The following ZC3H12C variants were observed in gnomAD, a reference collection of about 807,000 sequenced individuals.
ZC3H12C encodes the protein probable ribonuclease ZC3H12C.
In ZC3H12C, 20 loss-of-function variants were observed where a neutral mutation model predicts 76.3. The observed-to-expected ratio is 0.26, with a 90% confidence interval of 0.18 to 0.38. The LOEUF (loss-of-function observed/expected upper bound fraction) is 0.38, where lower values mean the gene tolerates loss of function less well. ZC3H12C is among the 10% of genes least tolerant of loss of function. The pLI, the probability that ZC3H12C is intolerant of heterozygous loss-of-function variation, is 1.00. For synonymous variants in ZC3H12C, 352 were observed against 399.6 expected (o/e 0.88, Z 1.42); for missense variants, 874 against 1,086.5 (o/e 0.80, Z 2.75).
intron 1 of ZC3H12C, among the ~76,000 whole-genome samples, chr11:110,110,935 GA>G (rs1460989795): frequency 6.6e-6 from 1 of 152,276 alleles, no homozygotes; most frequent in East Asian, 1.9e-4. Flanking sequence ...CAGCTTATAA[GA>G]AAAAACTTCA....
intron 1 of ZC3H12C, among the ~76,000 whole-genome samples, chr11:110,094,340 T>C (rs890432374): frequency 1.3e-5 from 2 of 152,236 alleles, no homozygotes; most frequent in Non-Finnish European, 2.9e-5. Context: ...ATTCAGACTT[T>C]TTTTAAACCA....
Position 110,167,323 on chromosome 11 carries a change from A to G in ZC3H12C, c.*1586A>G, listed in dbSNP as rs1485290499. ...TATTTTGATTTGTAGATCTAGTTAAAACACAAGTATGTAACTATGATTAGA... is the reference window on the plus strand; with the variant it reads ...TATTTTGATTTGTAGATCTAGTTAAGACACAAGTATGTAACTATGATTAGA... On this transcript the variant is annotated 3_prime_UTR_variant, in exon 6 of 6. Transcript: ENST00000278590. The G allele has an allele frequency of 6.6e-6, 1 of 152,172 alleles. No individual in the cohort carries two copies. Among genetic ancestry groups the G allele is most frequent in the African/African-American group, 2.4e-5 (1 of 41,426 alleles). The allele number at this position is 152,172 out of a possible 1,614,324, so 9.4% of individuals were successfully genotyped here.
intron 4 of ZC3H12C, among the ~76,000 whole-genome samples, chr11:110,162,322 AG>A (rs1369099309): frequency 6.6e-6 from 1 of 152,208 alleles, no homozygotes; most frequent in African/African-American, 2.4e-5. Flanking sequence ...TGTGGGATTG[AG>A]TGACTTTATC....
intron 4 of ZC3H12C, among the ~76,000 whole-genome samples, chr11:110,160,139 T>C (rs886925179): frequency 6.6e-6 from 1 of 152,236 alleles, no homozygotes. Context: ...AAATATGGTA[T>C]AAAAGATTTC....
chr11:110,160,605 C>T (rs991155796), intron 4 of ZC3H12C, among the ~76,000 whole-genome samples: 3 of 152,014 alleles, frequency 2.0e-5, no homozygotes, highest in African/African-American at 7.2e-5. Flanking sequence ...TCACTGTCCT[C>T]CACCCCCACA....
intron 1 of ZC3H12C, 159 bp from the exon 2 acceptor site, chr11:110,136,504 C>T: frequency 2.8e-6 from 2 of 716,282 alleles, no homozygotes; most frequent in Non-Finnish European, 4.4e-6. Context: ...TGAAAAATGG[C>T]AGATGATACT....
chr11:110,152,814 C>T, intron 2 of ZC3H12C, 105 bp from the exon 3 acceptor site: 1 of 1,292,624 alleles, frequency 7.7e-7, no homozygotes, highest in Non-Finnish European at 1.1e-6. Flanking sequence ...TCTGACGTCT[C>T]TTATTACTGT....
intron 1 of ZC3H12C, among the ~76,000 whole-genome samples, chr11:110,129,421 T>C (rs528331269): frequency 6.6e-6 from 1 of 152,324 alleles, no homozygotes; most frequent in South Asian, 2.1e-4. Flanking sequence ...AGAGACGATC[T>C]CATTTGCATT....
Position 110,165,992 on chromosome 11 carries a change from G to A in ZC3H12C, c.*255G>A. The A allele has an allele frequency of 2.4e-6, 1 of 418,576 alleles. No individual in the cohort carries two copies. The highest frequency in any genetic ancestry group is 4.2e-6 in the Non-Finnish European group (1 of 235,812). 25.9% of individuals were successfully genotyped at this position (418,576 alleles called of 1,614,324 possible). ...ATATCCTTGGCTGGAAATTTTTCCA[G>A]TTTGATTTAATAGATGTATCTGTGA... On this transcript the variant is annotated 3_prime_UTR_variant, in exon 6 of 6. Transcript: ENST00000278590.
rs1862673558 is a variant in ZC3H12C at position 110,171,236 on chromosome 11, T to C, written c.*5499T>C. On this transcript the variant is annotated 3_prime_UTR_variant, in exon 6 of 6. Transcript: ENST00000278590. ...AGGTGTTCAGATTCCTTCAGTTTTT[T>C]TGAAATTAGAAATTTCTTACCTTAT... The C allele has an allele frequency of 6.6e-6, 1 of 152,258 alleles. No homozygotes were observed. Among genetic ancestry groups the C allele is most frequent in the African/African-American group, 2.4e-5 (1 of 41,470 alleles). The allele number at this position is 152,258 out of a possible 1,614,324, so 9.4% of individuals were successfully genotyped here. A position where few individuals can be genotyped will look rare whatever the true frequency, so the allele number is the denominator to read the frequency against.
chr11:110,135,973 C>A (rs1050195082), intron 1 of ZC3H12C: 8 of 152,042 alleles, frequency 5.3e-5, no homozygotes, highest in Non-Finnish European at 1.0e-4. Context: ...GTTCCATAGT[C>A]AAAAAATCAT....
intron 2 of ZC3H12C, among the ~76,000 whole-genome samples, chr11:110,143,790 C>A (rs1288750361): frequency 6.6e-6 from 1 of 152,110 alleles, no homozygotes; most frequent in East Asian, 1.9e-4. Flanking sequence ...CCACAAGTGC[C>A]AGGATTACAG....
chr11:110,136,151 AT>A (rs765015250), intron 1 of ZC3H12C: 2 of 152,434 alleles, frequency 1.3e-5, no homozygotes, highest in Non-Finnish European at 2.9e-5. Context: ...ATTAATAATG[AT>A]TTTTCAAGTA....
chr11:110,159,558 T>G, intron 4 of ZC3H12C, 68 bp downstream of exon 4: 39 of 1,277,680 alleles, frequency 3.1e-5, no homozygotes, highest in Non-Finnish European at 4.0e-5. Context: ...TGGCAGCTGC[T>G]ACAGAATTCT....
intron 4 of ZC3H12C, among the ~76,000 whole-genome samples, chr11:110,161,302 A>G (rs1299142191): frequency 6.6e-6 from 1 of 152,194 alleles, no homozygotes; most frequent in East Asian, 1.9e-4. Flanking sequence ...GCAACTTTTC[A>G]GCTCTACCGT....
chr11:110,147,671 T>A (rs745343732), intron 2 of ZC3H12C, among the ~76,000 whole-genome samples: 5 of 152,112 alleles, frequency 3.3e-5, no homozygotes, highest in African/African-American at 2.4e-5. Context: ...TATGACACTG[T>A]AGTGTCAGTC....
At chr11:110,125,493 T>C in intron 1 of ZC3H12C, among the ~76,000 whole-genome samples, 1 of 152,168 alleles carries the variant, frequency 6.6e-6, no homozygotes, top group South Asian at 2.1e-4. Context: ...TTTTTTTGTA[T>C]TTTTAGCAGA....
chr11:110,162,141 GA>G (rs1411248273), intron 4 of ZC3H12C, among the ~76,000 whole-genome samples: 1 of 151,668 alleles, frequency 6.6e-6, no homozygotes, highest in East Asian at 2.0e-4. Context: ...GTGTCAAAAA[GA>G]AAAAAAGGAT....
intron 1 of ZC3H12C, among the ~76,000 whole-genome samples, chr11:110,127,796 A>G (rs587027): frequency 0.71 from 107,421 of 151,602 alleles, 38,368 homozygotes; most frequent in East Asian, 0.89. Context: ...CTTCGGAGGC[A>G]GAAGCTTGAG....
Sources: gnomAD v4.1 joint callset for allele counts (sites outside exome capture counted in the v4.1 genomes callset) on GRCh38, gnomAD v4.1.1 for gene constraint, MANE v1.5 for transcripts, NCBI Gene and HGNC (gene_info 2026-07-23, HGNC 2026-07-21) for gene names.